The following SPATA17 variants were observed in gnomAD, a reference collection of about 807,000 sequenced individuals.
The protein encoded by SPATA17 is spermatogenesis associated 17, also known as spermatogenesis-associated protein 17.
In SPATA17, 53 loss-of-function variants were observed where a neutral mutation model predicts 62.2. The ratio of observed to expected loss-of-function variants is 0.85; its 90% confidence interval spans 0.68 to 1.07. The LOEUF (loss-of-function observed/expected upper bound fraction) is 1.07, where lower values mean the gene tolerates loss of function less well. SPATA17 is among the 50% of genes least tolerant of loss of function. The pLI, the probability that SPATA17 is intolerant of heterozygous loss-of-function variation, is 0.00. For synonymous variants in SPATA17, 146 were observed against 146.8 expected (o/e 0.99, Z 0.04); for missense variants, 466 against 425.5 (o/e 1.10, Z -0.84).
rs879815519 is a variant in SPATA17 at position 217,668,107 on chromosome 1, TA to T, written c.241-924del. ...TTTTTTCTGATTTTTGCCTGAAACA[TA>T]ACAATTATTACCTGGGCTCAAGTTA... On this transcript the variant is annotated intron_variant, in intron 3 of 10. Coordinates refer to ENST00000366933, the MANE Select transcript of SPATA17 (RefSeq NM_138796.4). Among the ~76,000 whole-genome samples, 322 of 152,340 alleles carry T rather than the reference TA, an allele frequency of 2.1e-3. 2 individuals carry two copies. Among genetic ancestry groups the T allele is most frequent in the Admixed American group, 0.015 (223 of 15,304 alleles).
At chr1:217,777,814 A>G (rs17726462) in intron 7 of SPATA17, among the ~76,000 whole-genome samples, 66,234 of 151,934 alleles carry the variant, frequency 0.44, 15,840 homozygotes, top group Non-Finnish European at 0.55. Flanking sequence ...AAGGGGACAA[A>G]AGAGAGATAG....
chr1:217,774,328 C>T lies in SPATA17; in HGVS notation c.520-6C>T. 6.2e-7 allele frequency: 1 copy of T among 1,606,378 alleles called. No individual in the cohort carries two copies. The highest frequency in any genetic ancestry group is 8.5e-7 in the Non-Finnish European group (1 of 1,177,162). ...AAAAAATCAAAATTGCTTTCTTCTT[C>T]TTTAGATTCCAGGAATATACAATTC... On this transcript the variant is annotated splice_polypyrimidine_tract_variant and splice_region_variant and intron_variant, in intron 6 of 10. Coordinates refer to ENST00000366933, the MANE Select transcript of SPATA17 (RefSeq NM_138796.4).
chr1:217,664,544 C>T (rs1291429467), intron 3 of SPATA17, among the ~76,000 whole-genome samples: 1 of 152,026 alleles, frequency 6.6e-6, no homozygotes, highest in African/African-American at 2.4e-5. Context: ...ATCTGCCCAC[C>T]TCAGCCTCCC....
chr1:217,749,961 C>CTT (rs1672859722), intron 6 of SPATA17, among the ~76,000 whole-genome samples: 1 of 43,416 alleles, frequency 2.3e-5, no homozygotes, highest in African/African-American at 8.5e-5. Flanking sequence ...CTCTCTCTCT[C>CTT]TCTCTCTCTC....
At chr1:217,647,753 T>C (rs879864294) in intron 1 of SPATA17, among the ~76,000 whole-genome samples, 15 of 152,062 alleles carry the variant, frequency 9.9e-5, no homozygotes, top group Non-Finnish European at 1.6e-4. Flanking sequence ...AGACAGAGTC[T>C]TGCTCTGTCG....
In SPATA17 at chr1:217,666,488, T is replaced by G. The variant is rs57823610; in HGVS notation, c.241-2545T>G. ...AGTTTGAAGTGTTTATATGTATCTC[T>G]TAGAAAGCTTATGGAAATGCGGTTC... On this transcript the variant is annotated intron_variant, in intron 3 of 10. Transcript: ENST00000366933. Among the ~76,000 whole-genome samples the G allele has an allele frequency of 5.2e-3, 786 of 151,838 alleles. 10 individuals carry two copies. Among genetic ancestry groups the G allele is most frequent in the African/African-American group, 0.018 (750 of 41,482 alleles).
In SPATA17 at chr1:217,817,511, C is replaced by A. The variant is rs1571825005; in HGVS notation, c.1005+15661C>A. Among the ~76,000 whole-genome samples the A allele has an allele frequency of 3.3e-5, 5 of 152,120 alleles. No individual in the cohort carries two copies. The East Asian group carries it at 9.7e-4, about 29-fold the overall frequency. On this transcript the variant is annotated intron_variant, in intron 9 of 10. Coordinates refer to ENST00000366933, the MANE Select transcript of SPATA17 (RefSeq NM_138796.4). ...GCCCTGTGGATCTGAGTCAATTAAA[C>A]CTCTTTCCTTTATAATTTACCTAGT...
intron 9 of SPATA17, among the ~76,000 whole-genome samples, chr1:217,824,604 T>A (rs1322423749): frequency 6.6e-6 from 1 of 151,132 alleles, no homozygotes; most frequent in Non-Finnish European, 1.5e-5. Flanking sequence ...AAATAATAGT[T>A]TGTTTTGTAT....
At chr1:217,746,662 C>T (rs531807339) in intron 6 of SPATA17, among the ~76,000 whole-genome samples, 1 of 151,852 alleles carries the variant, frequency 6.6e-6, no homozygotes, top group Middle Eastern at 4.1e-3. Flanking sequence ...ATTTTTAGTA[C>T]AAATCCAATG....
chr1:217,658,077 T>G (rs1442776976), intron 3 of SPATA17, among the ~76,000 whole-genome samples: 2 of 152,184 alleles, frequency 1.3e-5, no homozygotes, highest in Non-Finnish European at 2.9e-5. Flanking sequence ...GCCCCACCCT[T>G]GACACATGGG....
intron 5 of SPATA17, among the ~76,000 whole-genome samples, chr1:217,704,018 T>C (rs951170330): frequency 2.6e-5 from 4 of 152,020 alleles, no homozygotes; most frequent in African/African-American, 2.4e-5. Flanking sequence ...TTCATGTTGC[T>C]ATTCTCTAGT....
intron 9 of SPATA17, among the ~76,000 whole-genome samples, chr1:217,805,489 ATGTAT>A (rs368342497): frequency 6.0e-4 from 92 of 152,298 alleles, no homozygotes; most frequent in East Asian, 2.3e-3. Context: ...AAAATTAATA[ATGTAT>A]TGTATACTTG....
At chr1:217,673,219 A>C (rs1371238710) in intron 4 of SPATA17, among the ~76,000 whole-genome samples, 1 of 152,130 alleles carries the variant, frequency 6.6e-6, no homozygotes, top group Non-Finnish European at 1.5e-5. Context: ...TCATGAGATT[A>C]AGGATTTTGC....
chr1:217,866,151 A>C (rs912701787), intron 10 of SPATA17, among the ~76,000 whole-genome samples: 1 of 152,172 alleles, frequency 6.6e-6, no homozygotes, highest in Non-Finnish European at 1.5e-5. Context: ...TGTGCCTGTT[A>C]GGAGTTAAAA....
chr1:217,665,813 T>C (rs1015895896), intron 3 of SPATA17, among the ~76,000 whole-genome samples: 1 of 152,196 alleles, frequency 6.6e-6, no homozygotes, highest in Non-Finnish European at 1.5e-5. Flanking sequence ...AAATTAATTA[T>C]GTTTTCAAAA....
intron 5 of SPATA17, among the ~76,000 whole-genome samples, chr1:217,713,961 T>A (rs1002363103): frequency 6.6e-6 from 1 of 152,136 alleles, no homozygotes; most frequent in Non-Finnish European, 1.5e-5. Context: ...TTATTTCTGA[T>A]GAATATTGAT....
intron 4 of SPATA17, 67 bp from the exon 5 acceptor site, chr1:217,683,191 G>A: frequency 2.8e-6 from 3 of 1,079,276 alleles, no homozygotes; most frequent in Non-Finnish European, 4.0e-6. Context: ...CCTTAATTTT[G>A]AAGTGCTATT....
In SPATA17 at chr1:217,871,685, A is replaced by C. The variant is rs1367533064; in HGVS notation, c.*4666A>C. 1 of 152,206 alleles carries C rather than the reference A, an allele frequency of 6.6e-6. No individual in the cohort carries two copies. Among genetic ancestry groups the C allele is most frequent in the African/African-American group, 2.4e-5 (1 of 41,450 alleles). The allele number at this position is 152,206 out of a possible 1,614,324, so 9.4% of individuals were successfully genotyped here. ...TGTTCTATTTTCCACGGATTAAATT[A>C]AATTCTATGTATCTACCGTCTCTGA... is the stretch of plus-strand genomic sequence containing the variant. On this transcript the variant is annotated 3_prime_UTR_variant, in exon 11 of 11. Coordinates refer to ENST00000366933, the MANE Select transcript of SPATA17 (RefSeq NM_138796.4).
rs1243105234 is a variant in SPATA17, at chr1:217,682,214, TA to T, written c.292-1043del. On this transcript the variant is annotated intron_variant, in intron 4 of 10. Coordinates refer to ENST00000366933, the MANE Select transcript of SPATA17 (RefSeq NM_138796.4). ...TATTATTTTGTTTGAGTTTTTCAGATAGGGGTATTAGAAAATATAGCAAAGA... is the reference window on the plus strand; with the variant it reads ...TATTATTTTGTTTGAGTTTTTCAGATGGGGTATTAGAAAATATAGCAAAGA... 6.6e-5 allele frequency among the ~76,000 whole-genome samples: 10 copies of T among 152,082 alleles called. No individual in the cohort carries two copies. In the East Asian group the frequency reaches 1.5e-3, roughly 23 times the overall value.
Sources: gnomAD v4.1 joint callset for allele counts (sites outside exome capture counted in the v4.1 genomes callset) on GRCh38, gnomAD v4.1.1 for gene constraint, MANE v1.5 for transcripts, NCBI Gene and HGNC (gene_info 2026-07-23, HGNC 2026-07-21) for gene names.